Variants in SPG11 observed in about 807,000 individuals in gnomAD.
SPG11 encodes SPG11 vesicle trafficking associated, spatacsin, also known as spatacsin.
Under a neutral mutation model 274.0 loss-of-function variants are expected in SPG11, and 222 were observed. The ratio of observed to expected loss-of-function variants is 0.81; its 90% CI spans 0.73 to 0.91. The LOEUF is 0.91. Ranked by LOEUF, SPG11 falls within the 40% of genes least tolerant of loss-of-function variation. The probability of loss-of-function intolerance (pLI) is 0.00; values close to 1 mark genes in which losing one functional copy is unlikely to be tolerated. For missense variants in SPG11, 3,114 were observed against 2,872.7 expected (o/e 1.08, Z -1.92); for synonymous variants, 1,144 against 1,039.7 (o/e 1.10, Z -1.93).
intron 30 of SPG11, among the ~76,000 whole-genome samples, chr15:44,577,016 T>C (rs530711971): frequency 4.6e-5 from 7 of 152,096 alleles, no homozygotes; most frequent in Admixed American, 6.5e-5. Context: ...TTAGTAGATA[T>C]GAAGTTTCAC....
intron 7 of SPG11, among the ~76,000 whole-genome samples, chr15:44,647,053 A>G (rs990770575): frequency 6.6e-6 from 1 of 152,222 alleles, no homozygotes; most frequent in Non-Finnish European, 1.5e-5. Flanking sequence ...CATGTATGTC[A>G]TAGAGTCTAG....
intron 1 of SPG11, among the ~76,000 whole-genome samples, chr15:44,662,378 T>C (rs1013235468): frequency 1.3e-5 from 2 of 152,094 alleles, no homozygotes; most frequent in African/African-American, 4.8e-5. Flanking sequence ...TTAATAATTA[T>C]TAAAAGAACA....
At chr15:44,623,424 C>A (rs776487658) in intron 11 of SPG11, among the ~76,000 whole-genome samples, 1 of 152,148 alleles carries the variant, frequency 6.6e-6, no homozygotes, top group Non-Finnish European at 1.5e-5. Context: ...AACAACATCC[C>A]TTTTACACAG....
At chr15:44,600,341 G>T in intron 21 of SPG11, 126 bp downstream of exon 21, 1 of 998,274 alleles carries the variant, frequency 1.0e-6, no homozygotes, top group Non-Finnish European at 1.6e-6. Context: ...CTAGAGTGCA[G>T]TGGCATGACC....
At chr15:44,631,585 G>A (rs938469371) in intron 8 of SPG11, among the ~76,000 whole-genome samples, 4 of 151,242 alleles carry the variant, frequency 2.6e-5, no homozygotes, top group African/African-American at 9.7e-5. Context: ...TTGTTTCAAA[G>A]CTACTTTTTT....
chr15:44,583,459 A>G (rs537435260), intron 30 of SPG11, among the ~76,000 whole-genome samples: 2 of 152,274 alleles, frequency 1.3e-5, no homozygotes, highest in Non-Finnish European at 2.9e-5. Context: ...ACACCATCTC[A>G]AAAAACAAAA....
At chr15:44,582,021 C>T (rs2082667289) in intron 30 of SPG11, among the ~76,000 whole-genome samples, 1 of 151,952 alleles carries the variant, frequency 6.6e-6, no homozygotes, top group African/African-American at 2.4e-5. Flanking sequence ...TAAAACTCAC[C>T]CAAGATAAGA....
intron 1 of SPG11, among the ~76,000 whole-genome samples, chr15:44,661,286 A>G (rs2085097940): frequency 6.6e-6 from 1 of 152,210 alleles, no homozygotes; most frequent in African/African-American, 2.4e-5. Context: ...CAAAATAACA[A>G]CACTGGCAAG....
intron 7 of SPG11, among the ~76,000 whole-genome samples, chr15:44,648,091 T>A (rs1355016897): frequency 2.0e-5 from 3 of 152,194 alleles, no homozygotes; most frequent in Non-Finnish European, 4.4e-5. Flanking sequence ...ATAAAAAGAA[T>A]ATAAACAACC....
At chr15:44,633,439 A>G (rs751634277) in intron 8 of SPG11, 66 bp downstream of exon 8, 2 of 1,389,380 alleles carry the variant, frequency 1.4e-6, no homozygotes, top group Admixed American at 3.9e-5. Flanking sequence ...ACACAACATC[A>G]TACTTTGAAA....
At position 44,620,342 on chromosome 15, in the gene SPG11, T is replaced by G. The variant is rs1333275617; in HGVS notation, c.2682A>C (p.Leu894Phe). ...ATTCTCCAATCCATAAGATAATGTT[T>G]AACCAATCATGGCGAGCTGTGAGGT... is the stretch of plus-strand genomic sequence containing the variant. Reference protein sequence around the residue: ...WRYLTARHDWLNIILWIGEFQ... With the variant: ...WRYLTARHDWFNIILWIGEFQ... The change falls in exon 15 of 40, where the codon TTA (leucine) becomes TTC (phenylalanine). Residue 894 changes from leucine (L) to phenylalanine (F), a missense_variant. Physicochemically the swap from Leu to Phe is conservative, Grantham distance 22 (BLOSUM62 0). Transcript: ENST00000261866. The G allele has an allele frequency of 6.2e-7, 1 of 1,613,986 alleles. No homozygotes were observed. Among genetic ancestry groups the G allele is most frequent in the Non-Finnish European group, 8.5e-7 (1 of 1,180,022 alleles).
intron 4 of SPG11, among the ~76,000 whole-genome samples, chr15:44,656,483 TAA>T (rs1429991631): frequency 6.6e-6 from 1 of 151,856 alleles, no homozygotes; most frequent in African/African-American, 2.4e-5. Flanking sequence ...CAGGATGGGG[TAA>T]AGAGTGGAAG....
rs116891652 is a variant in SPG11, at chr15:44,600,181, C to G, written c.3686+286G>C. On this transcript the variant is annotated intron_variant, in intron 21 of 39. Transcript: ENST00000261866. ...AATGAAAACAACAATAATCACCATC[C>G]AAATGTAATCACTGTTAACTGTGGT... 1,271 of 314,330 alleles carry G rather than the reference C, an allele frequency of 4.0e-3. 7 individuals are homozygous for G. Among genetic ancestry groups the G allele is most frequent in the Non-Finnish European group, 6.4e-3 (1,071 of 166,904 alleles). 19.5% of individuals were successfully genotyped at this position (314,330 alleles called of 1,614,324 possible).
intron 11 of SPG11, among the ~76,000 whole-genome samples, chr15:44,625,275 A>G (rs2083866177): frequency 2.0e-5 from 3 of 151,984 alleles, no homozygotes; most frequent in Admixed American, 2.0e-4. Context: ...ACTCCTGGAG[A>G]TCCTCCTGCC....
chr15:44,621,433 C>A, intron 14 of SPG11: 1 of 281,404 alleles, frequency 3.6e-6, no homozygotes, highest in Non-Finnish European at 6.8e-6. Flanking sequence ...TGACCCAGAT[C>A]CCCCATATCA....
In SPG11 at chr15:44,583,885, T is replaced by C. The variant is rs2082703386; in HGVS notation, c.5795A>G (p.His1932Arg). Residue 1932 changes from histidine to arginine, a missense_variant, in exon 30 of 40, where the codon CAT (histidine) becomes CGT (arginine). Transcript: ENST00000261866. Reference sequence around the variant, plus strand: ...CAGCTCAGCACTTTGTAGGAGAGCATGGATCTCTGGGTGCAGATCCTCCAT... The same window carrying C: ...CAGCTCAGCACTTTGTAGGAGAGCACGGATCTCTGGGTGCAGATCCTCCAT... ...ASMEDLHPEI[H>R]ALLQSAELLE... 6.2e-7 allele frequency: 1 copy of C among 1,614,184 alleles called. No homozygotes were observed. Among genetic ancestry groups the C allele is most frequent in the Non-Finnish European group, 8.5e-7 (1 of 1,180,018 alleles).
chr15:44,622,046 T>C (rs1345659136), intron 13 of SPG11, 112 bp from the exon 14 acceptor site: 5 of 1,164,642 alleles, frequency 4.3e-6, no homozygotes, highest in South Asian at 1.4e-5. Context: ...ATTCTGATTA[T>C]GCAAATATTA....
rs143819077 is a variant in SPG11 at position 44,615,630 on chromosome 15, G to T, written c.2835-64C>A. ...CTATGTTCAGAGTAGACCAAATCAT[G>T]CCCACAGTTTAGGTCTCAATTACTT... On this transcript the variant is annotated intron_variant, in intron 15 of 39. Coordinates refer to ENST00000261866, the MANE Select transcript of SPG11 (RefSeq NM_025137.4). 620 of 1,417,252 alleles carry T rather than the reference G, an allele frequency of 4.4e-4. 3 individuals are homozygous for T. In the African/African-American group the frequency reaches 7.8e-3, roughly 18 times the overall value. 87.8% of individuals were successfully genotyped at this position (1,417,252 alleles called of 1,614,324 possible).
In SPG11 at chr15:44,595,226, A is replaced by G. The variant is rs1318341593; in HGVS notation, c.4635+33T>C. The G allele has an allele frequency of 2.5e-6, 4 of 1,600,694 alleles. No homozygotes were observed. In the South Asian group the frequency reaches 4.4e-5, roughly 18 times the overall value. Reference sequence around the variant, plus strand: ...AGGGATATGCTGAAGTAATCTCTTAAGCTCTGGAAAGAAGTGAAGCAACTA... The same window carrying G: ...AGGGATATGCTGAAGTAATCTCTTAGGCTCTGGAAAGAAGTGAAGCAACTA... On this transcript the variant is annotated intron_variant, in intron 26 of 39. Coordinates refer to ENST00000261866, the MANE Select transcript of SPG11 (RefSeq NM_025137.4).
Sources: allele counts gnomAD v4.1 joint callset (sites outside exome capture counted in the v4.1 genomes callset), GRCh38; gene constraint gnomAD v4.1.1; transcripts MANE v1.5; gene names NCBI Gene and HGNC (gene_info 2026-07-23, HGNC 2026-07-21).